The following TIAM1 variants were observed in gnomAD, a reference collection of about 807,000 sequenced individuals.
TIAM1 encodes rho guanine nucleotide exchange factor TIAM1.
TIAM1 carries 65 observed loss-of-function variants against 163.5 expected under a neutral mutation model. That is an observed-to-expected ratio of 0.40 (90% CI 0.33 to 0.49). The LOEUF (loss-of-function observed/expected upper bound fraction) is 0.49. TIAM1 is among the 20% of genes least tolerant of loss of function. The pLI is 0.77. For synonymous variants in TIAM1, 833 were observed against 810.1 expected (o/e 1.03, Z -0.48); for missense variants, 1,789 against 2,044.7 (o/e 0.87, Z 2.41).
chr21:31,165,770 ATAAT>A (rs2084181707), intron 15 of TIAM1, among the ~76,000 whole-genome samples: 1 of 152,186 alleles, frequency 6.6e-6, no homozygotes, highest in African/African-American at 2.4e-5. Context: ...AATTACTAAA[ATAAT>A]TAAATAAGCC....
intron 1 of TIAM1, among the ~76,000 whole-genome samples, chr21:31,512,670 T>C (rs1413807337): frequency 6.8e-6 from 1 of 148,056 alleles, no homozygotes; most frequent in East Asian, 2.0e-4. Context: ...CAGACTAAAG[T>C]GCAGTGGCGT....
At position 31,226,063 on chromosome 21, in the gene TIAM1, A is replaced by G. The variant is rs556187175; in HGVS notation, c.1585-113T>C. The G allele has an allele frequency of 1.8e-3, 1,538 of 841,486 alleles. 1 individual carries two copies. Among genetic ancestry groups the G allele is most frequent in the Middle Eastern group, 4.3e-3 (12 of 2,796 alleles). The allele number at this position is 841,486 out of a possible 1,614,324, so 52.1% of individuals were successfully genotyped here. On this transcript the variant is annotated intron_variant, in intron 6 of 27. Coordinates refer to ENST00000541036, the MANE Select transcript of TIAM1 (RefSeq NM_001353694.2). ...CTGGGAGTCGAGGTGACAGGTCTAG[A>G]CACCCATGGATAAGAATAACCTGAC...
intron 2 of TIAM1, among the ~76,000 whole-genome samples, chr21:31,385,906 T>C (rs1302866727): frequency 6.8e-6 from 1 of 146,848 alleles, no homozygotes; most frequent in African/African-American, 2.5e-5. Flanking sequence ...TTAGTTAATA[T>C]AATTAATATA....
intron 1 of TIAM1, among the ~76,000 whole-genome samples, chr21:31,555,862 A>G (rs77629283): frequency 0.024 from 3,633 of 152,210 alleles, 144 homozygotes; most frequent in African/African-American, 0.083. Flanking sequence ...ATTCCTGCTC[A>G]GGGCTCCAGG....
intron 2 of TIAM1, among the ~76,000 whole-genome samples, chr21:31,458,744 C>G (rs1012998137): frequency 6.6e-6 from 1 of 150,456 alleles, no homozygotes; most frequent in African/African-American, 2.5e-5. Flanking sequence ...AGAGCCGGAA[C>G]AGGAAGGGGA....
At chr21:31,168,167 A>G (rs2084330139) in intron 15 of TIAM1, among the ~76,000 whole-genome samples, 2 of 150,174 alleles carry the variant, frequency 1.3e-5, no homozygotes, top group African/African-American at 4.9e-5. Context: ...ATCTCAGTTC[A>G]CTGCAACCTC....
intron 1 of TIAM1, among the ~76,000 whole-genome samples, chr21:31,512,679 G>A (rs140296105): frequency 0.033 from 4,849 of 144,944 alleles, 281 homozygotes; most frequent in African/African-American, 0.12. Context: ...GTGCAGTGGC[G>A]TGATCTTGGC....
chr21:31,283,267 G>A (rs1246825428), intron 2 of TIAM1, among the ~76,000 whole-genome samples: 1 of 152,090 alleles, frequency 6.6e-6, no homozygotes, highest in African/African-American at 2.4e-5. Context: ...CCAACATACT[G>A]CAACACTGAC....
chr21:31,175,429 C>T (rs959517674), intron 15 of TIAM1, among the ~76,000 whole-genome samples: 1 of 152,196 alleles, frequency 6.6e-6, no homozygotes, highest in Non-Finnish European at 1.5e-5. Context: ...CGGAAAGACA[C>T]TAATGGTGTC....
intron 2 of TIAM1, among the ~76,000 whole-genome samples, chr21:31,333,012 T>C (rs1295707233): frequency 6.6e-6 from 1 of 152,114 alleles, no homozygotes; most frequent in African/African-American, 2.4e-5. Flanking sequence ...GGCAGGAGGA[T>C]TGCTTGAGGT....
At chr21:31,289,900 G>C (rs578194809) in intron 2 of TIAM1, among the ~76,000 whole-genome samples, 38 of 152,216 alleles carry the variant, frequency 2.5e-4, no homozygotes, top group African/African-American at 8.9e-4. Flanking sequence ...ATATCTATGG[G>C]ACCACACACA....
intron 2 of TIAM1, among the ~76,000 whole-genome samples, chr21:31,313,109 C>A (rs1049000248): frequency 1.3e-5 from 2 of 152,180 alleles, no homozygotes; most frequent in Non-Finnish European, 2.9e-5. Flanking sequence ...CCCAAACATT[C>A]TTCTTGCAAA....
intron 2 of TIAM1, among the ~76,000 whole-genome samples, chr21:31,422,110 C>T (rs375599752): frequency 6.6e-6 from 1 of 152,112 alleles, no homozygotes; most frequent in Non-Finnish European, 1.5e-5. Flanking sequence ...CAGAGAACTG[C>T]GAGAGAATAT....
chr21:31,431,594 A>G (rs936875991), intron 2 of TIAM1, among the ~76,000 whole-genome samples: 1 of 152,264 alleles, frequency 6.6e-6, no homozygotes, highest in Non-Finnish European at 1.5e-5. Context: ...TTTTTAAAAT[A>G]CAGTCATATA....
chr21:31,353,073 T>C (rs2076260593), intron 2 of TIAM1, among the ~76,000 whole-genome samples: 1 of 151,984 alleles, frequency 6.6e-6, no homozygotes, highest in African/African-American at 2.4e-5. Context: ...ATTATGAAGA[T>C]AAAACAAGGC....
chr21:31,307,908 A>G (rs992893756), intron 2 of TIAM1, among the ~76,000 whole-genome samples: 42 of 152,136 alleles, frequency 2.8e-4, no homozygotes, highest in African/African-American at 9.4e-4. Context: ...GGATGGGGAG[A>G]AGAGAGCCAA....
At chr21:31,342,528 T>C (rs1205293278) in intron 1 of TIAM1, among the ~76,000 whole-genome samples, 1 of 152,222 alleles carries the variant, frequency 6.6e-6, no homozygotes, top group Non-Finnish European at 1.5e-5. Flanking sequence ...AGTTCCCCTT[T>C]TTGTAGCTAA....
chr21:31,344,350 T>A (rs544663189), upstream of TIAM1: 4 of 152,260 alleles, frequency 2.6e-5, no homozygotes, highest in Non-Finnish European at 5.9e-5. Context: ...ATCACCTCCC[T>A]CCTCTCCGCC....
intron 2 of TIAM1, among the ~76,000 whole-genome samples, chr21:31,414,450 C>T (rs898764260): frequency 2.0e-5 from 3 of 152,122 alleles, no homozygotes; most frequent in Admixed American, 2.0e-4. Context: ...CTGGGAAAAG[C>T]TTACTAACAG....
Sources: allele counts gnomAD v4.1 joint callset (sites outside exome capture counted in the v4.1 genomes callset), GRCh38; gene constraint gnomAD v4.1.1; transcripts MANE v1.5; gene names NCBI Gene and HGNC (gene_info 2026-07-23, HGNC 2026-07-21).